The following MKX variants were observed in gnomAD, a reference collection of about 807,000 sequenced individuals.
The protein encoded by MKX is homeobox protein Mohawk.
Under a neutral mutation model 36.0 loss-of-function variants are expected in MKX, and 13 were observed. That is an observed-to-expected ratio of 0.36 (90% confidence interval 0.24 to 0.57). The LOEUF (loss-of-function observed/expected upper bound fraction) is 0.57. MKX is among the 20% of genes least tolerant of loss of function. The pLI is 0.79. For missense variants in MKX, 458 were observed against 456.4 expected, an observed-to-expected ratio of 1.00 and a Z score of -0.03; for synonymous variants, 176 against 178.3, an observed-to-expected ratio of 0.99 and a Z score of 0.10.
At chr10:27,681,453 A>T (rs1836253176) in intron 5 of MKX, among the ~76,000 whole-genome samples, 1 of 150,848 alleles carries the variant, frequency 6.6e-6, no homozygotes, top group Admixed American at 6.7e-5. Flanking sequence ...ATCGCAAAAC[A>T]AACAAACAAA....
chr10:27,730,166 A>G (rs992810464), intron 5 of MKX, among the ~76,000 whole-genome samples: 7 of 152,240 alleles, frequency 4.6e-5, no homozygotes, highest in Non-Finnish European at 1.5e-5. Context: ...TGACCTTAAT[A>G]ACTCTGATCA....
chr10:27,713,297 C>A (rs545645161), intron 5 of MKX, among the ~76,000 whole-genome samples: 1 of 152,278 alleles, frequency 6.6e-6, no homozygotes, highest in African/African-American at 2.4e-5. Flanking sequence ...GCCATCTGGG[C>A]TACACAACAG....
chr10:27,711,450 TC>T (rs1197430779), intron 5 of MKX, among the ~76,000 whole-genome samples: 1 of 9,086 alleles, frequency 1.1e-4, no homozygotes, highest in Non-Finnish European at 2.9e-4. Flanking sequence ...TTTCTTTCTT[TC>T]TTTCTTTCTT....
intron 5 of MKX, among the ~76,000 whole-genome samples, chr10:27,697,709 G>C (rs1035152399): frequency 2.6e-5 from 4 of 152,188 alleles, no homozygotes; most frequent in Non-Finnish European, 5.9e-5. Context: ...TGTACACCAG[G>C]CACTGTGACA....
intron 5 of MKX, among the ~76,000 whole-genome samples, chr10:27,702,874 C>T (rs1320583790): frequency 6.6e-6 from 1 of 152,094 alleles, no homozygotes; most frequent in African/African-American, 2.4e-5. Flanking sequence ...AACTGAAACA[C>T]CACAAAATAA....
chr10:27,704,610 C>T (rs1836717766), intron 5 of MKX, among the ~76,000 whole-genome samples: 1 of 151,920 alleles, frequency 6.6e-6, no homozygotes, highest in Non-Finnish European at 1.5e-5. Flanking sequence ...AAAGACTGGG[C>T]AATAAATGGT....
At chr10:27,707,667 C>T (rs766560053) in intron 5 of MKX, among the ~76,000 whole-genome samples, 22 of 152,280 alleles carry the variant, frequency 1.4e-4, no homozygotes, top group Middle Eastern at 6.8e-3. Flanking sequence ...CAGTTACTGG[C>T]GGCAACACTT....
chr10:27,735,760 T>C (rs570397213), intron 3 of MKX, among the ~76,000 whole-genome samples: 2 of 152,270 alleles, frequency 1.3e-5, no homozygotes, highest in African/African-American at 4.8e-5. Flanking sequence ...GACTCCAGCC[T>C]TTTTGAGGAA....
intron 5 of MKX, among the ~76,000 whole-genome samples, chr10:27,705,249 G>GT (rs1463848837): frequency 1.9e-5 from 1 of 52,568 alleles, no homozygotes; most frequent in Admixed American, 2.4e-4. Flanking sequence ...CTACACAGCT[G>GT]TAAAAAAAAG....
At chr10:27,706,651 T>C (rs1490384293) in intron 5 of MKX, among the ~76,000 whole-genome samples, 1 of 151,938 alleles carries the variant, frequency 6.6e-6, no homozygotes, top group Non-Finnish European at 1.5e-5. Flanking sequence ...TCTCTAATGA[T>C]TGGTAATGCT....
At chr10:27,735,552 A>G (rs1488904428) in intron 3 of MKX, among the ~76,000 whole-genome samples, 178 bp from the exon 4 acceptor site, 1 of 152,202 alleles carries the variant, frequency 6.6e-6, no homozygotes, top group African/African-American at 2.4e-5. Flanking sequence ...TGCTTACTAC[A>G]GACACTGAGC....
At chr10:27,689,693 G>T (rs1019483318) in intron 5 of MKX, among the ~76,000 whole-genome samples, 2 of 152,078 alleles carry the variant, frequency 1.3e-5, no homozygotes, top group Non-Finnish European at 2.9e-5. Context: ...TTGACCAAAA[G>T]AACACTAAAT....
In MKX at chr10:27,742,550, T is replaced by A. The variant is rs1834927336; in HGVS notation, c.188+678A>T. 6.6e-6 allele frequency among the ~76,000 whole-genome samples: 1 copy of A among 151,852 alleles called. No homozygotes were observed. The highest frequency in any genetic ancestry group is 2.4e-5 in the African/African-American group (1 of 41,348). ...GCGGGGCGCCCGGGGAGCCGCCGGA[T>A]CGGGCCAGGCAGAGCCTGCCCTCCA... On this transcript the variant is annotated intron_variant, in intron 2 of 6. Coordinates refer to ENST00000419761, the MANE Select transcript of MKX (RefSeq NM_173576.3). This position sits in a 1 kb window ranked among gnomAD's most constrained non-coding sequence, Gnocchi z 4.2.
intron 5 of MKX, among the ~76,000 whole-genome samples, chr10:27,706,848 C>A (rs1836765290): frequency 6.6e-6 from 1 of 152,108 alleles, no homozygotes; most frequent in African/African-American, 2.4e-5. Context: ...CATAAAGAAT[C>A]TCTGTAAGAA....
At chr10:27,693,408 TAAAG>T (rs1414660166) in intron 5 of MKX, among the ~76,000 whole-genome samples, 1 of 151,906 alleles carries the variant, frequency 6.6e-6, no homozygotes, top group Non-Finnish European at 1.5e-5. Context: ...AAAGAAACTA[TAAAG>T]AAAGAAAGGG....
At chr10:27,740,479 CTT>C (rs899334056) in intron 3 of MKX, among the ~76,000 whole-genome samples, 4 of 152,186 alleles carry the variant, frequency 2.6e-5, no homozygotes, top group Non-Finnish European at 5.9e-5. Flanking sequence ...CCAGGCCTGT[CTT>C]TTACTGACAC....
rs151145847 is a variant in MKX, at chr10:27,732,804, G to T, written c.838+1652C>A. Among the ~76,000 whole-genome samples the T allele has an allele frequency of 2.3e-4, 35 of 152,234 alleles. No homozygotes were observed. In the East Asian group the frequency reaches 5.4e-3, roughly 23 times the overall value. On this transcript the variant is annotated intron_variant, in intron 5 of 6. Coordinates refer to ENST00000419761, the MANE Select transcript of MKX (RefSeq NM_173576.3). The stretch of plus-strand genomic sequence containing the variant: ...CCTCTGTTCCTCAGGCTGGTGTGCA[G>T]TGGCATGATCACGGCTCACTGCAGC...
Position 27,682,364 on chromosome 10 carries a change from A to T in MKX, c.839-6810T>A, listed in dbSNP as rs149179872. On this transcript the variant is annotated intron_variant, in intron 5 of 6. Coordinates refer to ENST00000419761, the MANE Select transcript of MKX (RefSeq NM_173576.3). ...ATTTATTGTAGAAGAAAAAAATTTTAAAATAAATTTAGGGTGGCCTAAGTG... is the reference window on the plus strand; with the variant it reads ...ATTTATTGTAGAAGAAAAAAATTTTTAAATAAATTTAGGGTGGCCTAAGTG... Among the ~76,000 whole-genome samples the T allele has an allele frequency of 2.6e-5, 4 of 152,342 alleles. No homozygotes were observed. In the East Asian group the frequency reaches 5.8e-4, roughly 22 times the overall value.
In MKX at chr10:27,742,380, A is replaced by G. The variant is rs1207277387; in HGVS notation, c.188+848T>C. ...CTCCTGGGTTTCTGCCTCTTTAAAC[A>G]CTTTGAAATGCAATTCCACCCGAAA... On this transcript the variant is annotated intron_variant, in intron 2 of 6. Coordinates refer to ENST00000419761, the MANE Select transcript of MKX (RefSeq NM_173576.3). The surrounding 1 kb of genome is among the most constrained non-coding windows in gnomAD (Gnocchi z 4.2). Among the ~76,000 whole-genome samples the G allele has an allele frequency of 6.6e-6, 1 of 152,092 alleles. No homozygotes were observed. Among genetic ancestry groups the G allele is most frequent in the African/African-American group, 2.4e-5 (1 of 41,420 alleles).
Sources: gnomAD v4.1 joint callset for allele counts (sites outside exome capture counted in the v4.1 genomes callset) on GRCh38, gnomAD v4.1.1 for gene constraint, Gnocchi (gnomAD v3.1) non-coding constraint, MANE v1.5 for transcripts, NCBI Gene and HGNC (gene_info 2026-07-23, HGNC 2026-07-21) for gene names.